Variants in MIGA1 observed in about 807,000 individuals in gnomAD.
MIGA1 encodes family with sequence similarity 73, member A.
A neutral mutation model predicts 82.0 loss-of-function variants in MIGA1; 58 were observed. The observed-to-expected ratio is 0.71, with a 90% CI of 0.57 to 0.88. The LOEUF (loss-of-function observed/expected upper bound fraction) is 0.88, where lower values mean the gene tolerates loss of function less well. MIGA1 is among the 40% of genes least tolerant of loss of function. MIGA1 has a pLI of 0.00. For synonymous variants in MIGA1, 249 were observed against 253.6 expected (o/e 0.98, Z 0.17); for missense variants, 751 against 749.1 (o/e 1.00, Z -0.03).
chr1:77,816,188 C>A (rs1683567588), intron 7 of MIGA1, among the ~76,000 whole-genome samples: 1 of 152,116 alleles, frequency 6.6e-6, no homozygotes, highest in African/African-American at 2.4e-5. Flanking sequence ...AAGTGATCCT[C>A]CCACCTCAGC....
At chr1:77,839,495 C>T (rs1040214522) in intron 7 of MIGA1, among the ~76,000 whole-genome samples, 3 of 151,642 alleles carry the variant, frequency 2.0e-5, no homozygotes, top group Admixed American at 6.6e-5. Context: ...ATCAGCCTCC[C>T]GAGAAGCTGG....
intron 7 of MIGA1, among the ~76,000 whole-genome samples, chr1:77,833,431 A>G (rs976248133): frequency 1.3e-5 from 2 of 152,216 alleles, no homozygotes; most frequent in Non-Finnish European, 2.9e-5. Flanking sequence ...AGAAAGCAAT[A>G]TAATGAAAAT....
At position 77,877,351 on chromosome 1, in the gene MIGA1, A is replaced by G. The variant is rs533960868; in HGVS notation, c.*2287A>G. ...ATAGGTTATATAGCATGAAACATAC[A>G]AATTATCACTGTTCTTTAGTATATA... On this transcript the variant is annotated 3_prime_UTR_variant, in exon 16 of 16. Transcript: ENST00000370791. The G allele has an allele frequency of 6.6e-6, 1 of 152,222 alleles. No homozygotes were observed. The highest frequency in any genetic ancestry group is 1.5e-5 in the Non-Finnish European group (1 of 68,032). The allele number at this position is 152,222 out of a possible 1,614,324, so 9.4% of individuals were successfully genotyped here.
intron 2 of MIGA1, among the ~76,000 whole-genome samples, chr1:77,798,758 C>A (rs1283864348): frequency 5.3e-4 from 80 of 152,172 alleles, no homozygotes; most frequent in Non-Finnish European, 4.4e-5. Context: ...CACCCTAATC[C>A]AGTATGGTCT....
At chr1:77,819,769 G>A (rs1418742931) in intron 7 of MIGA1, among the ~76,000 whole-genome samples, 1 of 151,746 alleles carries the variant, frequency 6.6e-6, no homozygotes, top group Non-Finnish European at 1.5e-5. Flanking sequence ...TTGGGTAGAG[G>A]TGAGGTTTTG....
At chr1:77,871,056 G>C (rs554486527) in intron 14 of MIGA1, among the ~76,000 whole-genome samples, 1 of 140,050 alleles carries the variant, frequency 7.1e-6, no homozygotes, top group Non-Finnish European at 1.5e-5. Context: ...GCTTTGGCTC[G>C]GCATCAGAGG....
chr1:77,811,770 C>G (rs1456807486), intron 5 of MIGA1: 1 of 1,593,424 alleles, frequency 6.3e-7, no homozygotes, highest in African/African-American at 1.3e-5. Context: ...GACTCCGGGT[C>G]ACCTCCGACA....
At chr1:77,847,280 C>A (rs1482184916) in intron 8 of MIGA1, 2 of 961,248 alleles carry the variant, frequency 2.1e-6, no homozygotes, top group Admixed American at 3.4e-5. Flanking sequence ...ATGAAACAGA[C>A]CAAACTGGAA....
chr1:77,814,621 A>C (rs1263608649), intron 6 of MIGA1, among the ~76,000 whole-genome samples: 1 of 152,264 alleles, frequency 6.6e-6, no homozygotes, highest in East Asian at 1.9e-4. Context: ...TATGTTCATT[A>C]AAATCACATA....
chr1:77,782,418 G>C (rs933654940), intron 1 of MIGA1, among the ~76,000 whole-genome samples: 2 of 152,068 alleles, frequency 1.3e-5, no homozygotes, highest in African/African-American at 4.8e-5. Flanking sequence ...GGTATGTTTT[G>C]ATAGAATATG....
chr1:77,804,934 A>G (rs1683031258), intron 4 of MIGA1, among the ~76,000 whole-genome samples: 2 of 146,676 alleles, frequency 1.4e-5, no homozygotes. Context: ...GCCTGTATTC[A>G]TTTTTTCTTC....
chr1:77,835,216 CAAGT>C (rs924994894), intron 7 of MIGA1, among the ~76,000 whole-genome samples: 10 of 152,182 alleles, frequency 6.6e-5, no homozygotes, highest in African/African-American at 2.4e-4. Flanking sequence ...GAAAAAAACT[CAAGT>C]AATATGTGAA....
intron 14 of MIGA1, 25 bp from the exon 15 acceptor site, chr1:77,872,979 T>C (rs561105896): frequency 6.2e-7 from 1 of 1,612,708 alleles, no homozygotes; most frequent in South Asian, 1.1e-5. Context: ...TAGAAGTAAC[T>C]TGATTCTCCT....
chr1:77,871,125 G>GGGA (rs149246341), intron 14 of MIGA1, among the ~76,000 whole-genome samples: 24,679 of 73,828 alleles, frequency 0.33, 8,380 homozygotes, highest in South Asian at 0.41. Flanking sequence ...GAGAGGGAGA[G>GGGA]GAGGGAGAGG....
At chr1:77,860,951 C>T in intron 11 of MIGA1, 1 of 304,622 alleles carries the variant, frequency 3.3e-6, no homozygotes, top group Non-Finnish European at 6.1e-6. Context: ...CTGCTATAAC[C>T]AAATTTTCAT....
At chr1:77,823,235 T>C (rs1683898186) in intron 7 of MIGA1, among the ~76,000 whole-genome samples, 2 of 151,974 alleles carry the variant, frequency 1.3e-5, no homozygotes, top group African/African-American at 4.8e-5. Flanking sequence ...AAATAGCAGA[T>C]CCAAAAAACT....
At chr1:77,792,201 A>G (rs1240116792) in intron 2 of MIGA1, among the ~76,000 whole-genome samples, 1 of 152,232 alleles carries the variant, frequency 6.6e-6, no homozygotes, top group Non-Finnish European at 1.5e-5. Flanking sequence ...GGTATGGGAA[A>G]CATAAGAGTA....
intron 2 of MIGA1, among the ~76,000 whole-genome samples, chr1:77,785,265 T>G (rs1682106607): frequency 6.6e-6 from 1 of 152,168 alleles, no homozygotes; most frequent in East Asian, 1.9e-4. Flanking sequence ...TAAATATGGC[T>G]ATTCCGAATG....
intron 15 of MIGA1, 81 bp from the exon 16 acceptor site, chr1:77,874,765 A>C (rs1019741858): frequency 1.1e-6 from 1 of 940,678 alleles, no homozygotes; most frequent in African/African-American, 1.6e-5. Flanking sequence ...GTCCTGATTC[A>C]GTGCTCATTA....
Sources: allele counts gnomAD v4.1 joint callset (sites outside exome capture counted in the v4.1 genomes callset), GRCh38; gene constraint gnomAD v4.1.1; transcripts MANE v1.5; gene names NCBI Gene and HGNC (gene_info 2026-07-23, HGNC 2026-07-21).